The following BMAL2 variants were observed in gnomAD, a reference collection of about 807,000 sequenced individuals.
The protein encoded by BMAL2 is basic helix-loop-helix ARNT like 2, also known as basic helix-loop-helix ARNT-like protein 2.
At chr12:27,370,072 G>C in the BMAL2 span, 1 of 1,274,844 alleles carries the variant, frequency 7.8e-7, no homozygotes, top group Non-Finnish European at 1.1e-6. Flanking sequence ...GGACAGGCTT[G>C]CTGTCCATTC....
chr12:27,385,458 A>G, the BMAL2 span: 3 of 1,525,744 alleles, frequency 2.0e-6, no homozygotes, highest in East Asian at 6.8e-5. Context: ...ATTTCCAATA[A>G]CTCTTGATGC....
At chr12:27,368,075 T>C in the BMAL2 span, among the ~76,000 whole-genome samples, 45 of 151,552 alleles carry the variant, frequency 3.0e-4, 1 homozygote, top group Middle Eastern at 3.4e-3. Flanking sequence ...TCTCCTGACC[T>C]CAGGTGATCC....
the BMAL2 span, chr12:27,390,313 A>G: frequency 1.4e-6 from 2 of 1,460,582 alleles, no homozygotes; most frequent in South Asian, 1.2e-5. Flanking sequence ...CTGTACAGAA[A>G]AAATAAAATA....
At chr12:27,420,054 T>TA in the BMAL2 span, among the ~76,000 whole-genome samples, 1 of 86,606 alleles carries the variant, frequency 1.2e-5, no homozygotes, top group Non-Finnish European at 2.5e-5. Context: ...CACACAAACA[T>TA]ACACTAAATT....
At chr12:27,402,773 G>T in the BMAL2 span, 1 of 1,177,754 alleles carries the variant, frequency 8.5e-7, no homozygotes, top group Admixed American at 2.6e-5. Context: ...AAAATTTGAA[G>T]GTGAAATTAA....
the BMAL2 span, among the ~76,000 whole-genome samples, chr12:27,419,146 T>G: frequency 1.3e-5 from 2 of 152,078 alleles, no homozygotes; most frequent in Admixed American, 6.5e-5. Flanking sequence ...AGGATAGAAG[T>G]CAAAAAAGTT....
chr12:27,387,217 T>C, the BMAL2 span: 15 of 1,585,926 alleles, frequency 9.5e-6, no homozygotes, highest in Non-Finnish European at 1.3e-5. Flanking sequence ...CACTTTTTTT[T>C]TAAATCCTAG....
the BMAL2 span, among the ~76,000 whole-genome samples, chr12:27,342,860 A>G: frequency 2.6e-4 from 39 of 152,328 alleles, 2 homozygotes; most frequent in Admixed American, 2.5e-3. Flanking sequence ...TCTTTAGGAC[A>G]ATTCTCCTTT....
the BMAL2 span, chr12:27,333,039 G>C: frequency 1.7e-6 from 2 of 1,194,626 alleles, no homozygotes; most frequent in Non-Finnish European, 2.1e-6. Context: ...GCTGCCAGCC[G>C]CGGGGCTGCG....
the BMAL2 span, among the ~76,000 whole-genome samples, chr12:27,387,698 A>G: frequency 2.0e-5 from 3 of 152,232 alleles, no homozygotes; most frequent in Non-Finnish European, 4.4e-5. Flanking sequence ...TTATTAAGTT[A>G]TAATCATTGC....
the BMAL2 span, among the ~76,000 whole-genome samples, chr12:27,346,787 A>G: frequency 1.3e-5 from 2 of 152,140 alleles, no homozygotes; most frequent in Non-Finnish European, 2.9e-5. Context: ...GCCCCCTCCA[A>G]ACCTCATGTT....
At chr12:27,400,782 T>G in the BMAL2 span, 1 of 1,594,908 alleles carries the variant, frequency 6.3e-7, no homozygotes, top group Non-Finnish European at 8.6e-7. Context: ...AAGGTAAACA[T>G]TTACATGTTA....
the BMAL2 span, chr12:27,333,284 G>A: frequency 1.7e-6 from 1 of 577,044 alleles, no homozygotes; most frequent in Non-Finnish European, 2.4e-6. Context: ...GTGGGGCACA[G>A]GTGCGGCGCG....
the BMAL2 span, among the ~76,000 whole-genome samples, chr12:27,407,293 C>G: frequency 1.3e-5 from 2 of 152,180 alleles, no homozygotes; most frequent in African/African-American, 4.8e-5. Context: ...AATATACATT[C>G]TTTTCAGCAC....
At chr12:27,406,934 G>T in the BMAL2 span, among the ~76,000 whole-genome samples, 1 of 152,084 alleles carries the variant, frequency 6.6e-6, no homozygotes, top group East Asian at 1.9e-4. Context: ...AAAGGCAGGG[G>T]TTGCAATCCT....
the BMAL2 span, among the ~76,000 whole-genome samples, chr12:27,339,445 A>G: frequency 2.0e-5 from 3 of 152,232 alleles, no homozygotes; most frequent in East Asian, 5.8e-4. Flanking sequence ...TAATAGAACA[A>G]TTTATATTCC....
chr12:27,379,199 G>T, the BMAL2 span, among the ~76,000 whole-genome samples: 2 of 152,150 alleles, frequency 1.3e-5, no homozygotes, highest in African/African-American at 2.4e-5. Flanking sequence ...CTATAAATCA[G>T]GAGTAGTACA....
chr12:27,390,415 G>A, the BMAL2 span: 28 of 641,452 alleles, frequency 4.4e-5, no homozygotes, highest in Middle Eastern at 8.7e-4. Context: ...CACATCTTTC[G>A]AATTTATCAG....
chr12:27,345,192 T>C, the BMAL2 span, among the ~76,000 whole-genome samples: 1 of 152,216 alleles, frequency 6.6e-6, no homozygotes, highest in African/African-American at 2.4e-5. Context: ...CCTCAATTGG[T>C]GCAAACTGCA....
Sources: allele counts gnomAD v4.1 joint callset (sites outside exome capture counted in the v4.1 genomes callset), GRCh38; gene constraint gnomAD v4.1.1; transcripts MANE v1.5; gene names NCBI Gene and HGNC (gene_info 2026-07-23, HGNC 2026-07-21).